Variants in CPEB4 observed in about 807,000 individuals in gnomAD.
CPEB4 encodes the protein cytoplasmic polyadenylation element-binding protein 4.
A neutral mutation model predicts 72.5 loss-of-function variants in CPEB4; 12 were observed. The ratio of observed to expected loss-of-function variants is 0.17; its 90% CI spans 0.11 to 0.27. The LOEUF is 0.27. Among genes scored for constraint, CPEB4 ranks in the 10% least tolerant of loss-of-function variants. The pLI is 1.00. For missense variants in CPEB4, 614 were observed against 908.5 expected (o/e 0.68, Z 4.17); for synonymous variants, 302 against 326.3 (o/e 0.93, Z 0.80).
chr5:173,914,457 A>G (rs1334976767), intron 2 of CPEB4, among the ~76,000 whole-genome samples: 1 of 152,172 alleles, frequency 6.6e-6, no homozygotes, highest in East Asian at 1.9e-4. Context: ...AGAAACAGAA[A>G]ATAGAAAATT....
chr5:173,932,998 C>T (rs6875393), intron 3 of CPEB4, among the ~76,000 whole-genome samples: 44,204 of 152,036 alleles, frequency 0.29, 6,737 homozygotes, highest in South Asian at 0.43. Context: ...ATTAGATTCT[C>T]CTTTCCTGTG....
At position 173,944,975 on chromosome 5, in the gene CPEB4, T is replaced by C. The variant is rs550961998; in HGVS notation, c.1291T>C (p.Ser431Pro). ...CCTGCTTTCTATTCCAGGTCAGTCT[T>C]CACTGTTTCCAATGGAAGATGGATT... Reference protein sequence around the residue: ...RTYGRRRGQSSLFPMEDGFLD... With the variant: ...RTYGRRRGQSPLFPMEDGFLD... Residue 431 changes from serine (S) to proline (P), a missense_variant, in exon 5 of 10, where the codon TCA becomes CCA. Coordinates refer to ENST00000265085, the MANE Select transcript of CPEB4 (RefSeq NM_030627.4). The C allele has an allele frequency of 6.2e-7, 1 of 1,612,562 alleles. No homozygotes were observed. The highest frequency in any genetic ancestry group is 1.7e-5 in the Admixed American group (1 of 59,974).
In CPEB4 at chr5:173,895,116, A is replaced by G. The variant is rs186836533; in HGVS notation, c.1125+4258A>G. On this transcript the variant is annotated intron_variant, in intron 1 of 9. Coordinates refer to ENST00000265085, the MANE Select transcript of CPEB4 (RefSeq NM_030627.4). ...TGTGACATTTGGTTTTATTGTCCCA[A>G]TTTCAAAATGAAGGTCCATATTCAT... is the stretch of plus-strand genomic sequence containing the variant. 9.9e-4 allele frequency among the ~76,000 whole-genome samples: 150 copies of G among 152,234 alleles called. 1 individual carries two copies. Among genetic ancestry groups the G allele is most frequent in the African/African-American group, 3.4e-3 (140 of 41,528 alleles).
intron 1 of CPEB4, among the ~76,000 whole-genome samples, chr5:173,899,293 T>C (rs1756138068): frequency 6.6e-6 from 1 of 152,246 alleles, no homozygotes; most frequent in South Asian, 2.1e-4. Context: ...TGTATTATTT[T>C]GAAGCAATTG....
At chr5:173,919,156 A>G (rs1756987703) in intron 2 of CPEB4, among the ~76,000 whole-genome samples, 1 of 152,216 alleles carries the variant, frequency 6.6e-6, no homozygotes, top group Non-Finnish European at 1.5e-5. Flanking sequence ...TGTGTGGTAG[A>G]TAAAAACTTA....
At chr5:173,892,608 A>G (rs920930153) in intron 1 of CPEB4, among the ~76,000 whole-genome samples, 2 of 152,334 alleles carry the variant, frequency 1.3e-5, no homozygotes, top group Non-Finnish European at 2.9e-5. Context: ...CTATATGCTG[A>G]CACAGTGAAT....
Position 173,915,487 on chromosome 5 carries a change from C to T in CPEB4, c.1207+4883C>T, listed in dbSNP as rs554267323. Among the ~76,000 whole-genome samples, 25 of 152,272 alleles carry T rather than the reference C, an allele frequency of 1.6e-4. No individual in the cohort carries two copies. In the South Asian group the frequency reaches 5.0e-3, roughly 30 times the overall value. On this transcript the variant is annotated intron_variant, in intron 2 of 9. Coordinates refer to ENST00000265085, the MANE Select transcript of CPEB4 (RefSeq NM_030627.4). ...TATCCGCGAAATTGTGTATTGCCTTCTCCATAACCAACACCAGTGACAATC... is the reference window on the plus strand; with the variant it reads ...TATCCGCGAAATTGTGTATTGCCTTTTCCATAACCAACACCAGTGACAATC...
chr5:173,946,909 C>T (rs1758032625), intron 5 of CPEB4, among the ~76,000 whole-genome samples: 1 of 152,064 alleles, frequency 6.6e-6, no homozygotes, highest in African/African-American at 2.4e-5. Flanking sequence ...GGAATATCAC[C>T]ATAATGGTGC....
intron 5 of CPEB4, among the ~76,000 whole-genome samples, chr5:173,947,632 G>A (rs1481063557): frequency 6.6e-6 from 1 of 152,050 alleles, no homozygotes; most frequent in Non-Finnish European, 1.5e-5. Flanking sequence ...AAATGTTGGA[G>A]TCATATTGAA....
chr5:173,917,024 A>G (rs922294638), intron 2 of CPEB4, among the ~76,000 whole-genome samples: 3 of 152,218 alleles, frequency 2.0e-5, no homozygotes, highest in African/African-American at 7.2e-5. Flanking sequence ...TAGAGAACAC[A>G]TGTTGTATAC....
chr5:173,899,323 A>G (rs957637429), intron 1 of CPEB4, among the ~76,000 whole-genome samples: 1 of 152,090 alleles, frequency 6.6e-6, no homozygotes, highest in Non-Finnish European at 1.5e-5. Context: ...ATATTATTTC[A>G]TCTGTAAATG....
At chr5:173,952,482 G>A (rs970465487) in intron 8 of CPEB4, among the ~76,000 whole-genome samples, 1 of 152,130 alleles carries the variant, frequency 6.6e-6, no homozygotes, top group African/African-American at 2.4e-5. Flanking sequence ...GTAATTTGAG[G>A]TTTAATAATA....
rs1217831495 is a variant in CPEB4, at chr5:173,961,387, G to T, written c.*5250G>T. Reference sequence around the variant, plus strand: ...TTATTTTAGGAAATGTTTATTTCAGGTAAGTGAGATATCAATGATATGTGA... The same window carrying T: ...TTATTTTAGGAAATGTTTATTTCAGTTAAGTGAGATATCAATGATATGTGA... On this transcript the variant is annotated 3_prime_UTR_variant, in exon 10 of 10. Coordinates refer to ENST00000265085, the MANE Select transcript of CPEB4 (RefSeq NM_030627.4). The T allele has an allele frequency of 6.6e-6, 1 of 152,182 alleles. No homozygotes were observed. The highest frequency in any genetic ancestry group is 2.4e-5 in the African/African-American group (1 of 41,444). 9.4% of individuals were successfully genotyped at this position (152,182 alleles called of 1,614,324 possible). A position where few individuals can be genotyped will look rare whatever the true frequency, so the allele number is the denominator to read the frequency against.
chr5:173,924,597 T>C (rs1432803570), intron 2 of CPEB4, among the ~76,000 whole-genome samples: 2 of 152,228 alleles, frequency 1.3e-5, no homozygotes, highest in African/African-American at 4.8e-5. Flanking sequence ...TACTGCATAT[T>C]GAGGGATTTT....
rs1038863763 is a variant in CPEB4, at chr5:173,955,064, C to T, written c.1963-846C>T. On this transcript the variant is annotated intron_variant, in intron 9 of 9. Transcript: ENST00000265085. The surrounding 1 kb of genome is among the most constrained non-coding windows in gnomAD (Gnocchi z 4.7). ...GCTAATCTTGGTCAGGATTCCTTGT[C>T]AGAGCTGGGTGGCACCAGTGCTGGT... Among the ~76,000 whole-genome samples, 3 of 152,274 alleles carry T rather than the reference C, an allele frequency of 2.0e-5. No individual in the cohort carries two copies. The highest frequency in any genetic ancestry group is 7.2e-5 in the African/African-American group (3 of 41,554).
rs927972574 is a variant in CPEB4, at chr5:173,889,225, T to G, written c.-509T>G. 1.3e-5 allele frequency: 2 copies of G among 151,626 alleles called. No homozygotes were observed. The highest frequency in any genetic ancestry group is 2.9e-5 in the Non-Finnish European group (2 of 67,938). The allele number at this position is 151,626 out of a possible 1,614,324, so 9.4% of individuals were successfully genotyped here. A position where few individuals can be genotyped will look rare whatever the true frequency, so the allele number is the denominator to read the frequency against. ...ATTCCTGATTTTTTTTTAACCAAGCTGCCAAGAAAAGAACGTATTCCCCTC... is the reference window on the plus strand; with the variant it reads ...ATTCCTGATTTTTTTTTAACCAAGCGGCCAAGAAAAGAACGTATTCCCCTC... On this transcript the variant is annotated 5_prime_UTR_variant, in exon 1 of 10. Transcript: ENST00000265085.
chr5:173,895,758 A>G (rs1268551870), intron 1 of CPEB4, among the ~76,000 whole-genome samples: 1 of 152,244 alleles, frequency 6.6e-6, no homozygotes, highest in Non-Finnish European at 1.5e-5. Flanking sequence ...TCCTCTTTGT[A>G]GAAGGCTTTT....
chr5:173,914,389 C>G (rs1022914600), intron 2 of CPEB4, among the ~76,000 whole-genome samples: 5 of 151,936 alleles, frequency 3.3e-5, no homozygotes, highest in African/African-American at 1.2e-4. Context: ...TATCTAACAC[C>G]TACCAATTCA....
chr5:173,931,673 G>C (rs1370006653), intron 2 of CPEB4, among the ~76,000 whole-genome samples: 1 of 152,138 alleles, frequency 6.6e-6, no homozygotes, highest in Non-Finnish European at 1.5e-5. Context: ...TTGTAGTGTA[G>C]ATAACTCAAC....
Sources: allele counts gnomAD v4.1 joint callset (sites outside exome capture counted in the v4.1 genomes callset), GRCh38; gene constraint gnomAD v4.1.1; non-coding constraint Gnocchi (gnomAD v3.1); transcripts MANE v1.5; gene names NCBI Gene and HGNC (gene_info 2026-07-23, HGNC 2026-07-21).